IARS1: variants seen among roughly 807,000 people sequenced by gnomAD.
The protein encoded by IARS1 is isoleucine--tRNA ligase, cytoplasmic.
IARS1 carries 124 observed loss-of-function variants against 168.2 expected under a neutral mutation model. That is an observed-to-expected ratio of 0.74 (90% CI 0.64 to 0.86). The LOEUF (loss-of-function observed/expected upper bound fraction) is 0.86, where lower values mean the gene tolerates loss of function less well. Ranked by LOEUF, IARS1 falls within the 40% of genes least tolerant of loss-of-function variation. The pLI is 0.00. For missense variants in IARS1, 1,452 were observed against 1,515.8 expected (o/e 0.96, Z 0.70); for synonymous variants, 532 against 529.4 (o/e 1.00, Z -0.07).
chr9:92,246,703 C>T (rs566828938), intron 26 of IARS1, among the ~76,000 whole-genome samples: 1 of 152,136 alleles, frequency 6.6e-6, no homozygotes, highest in Non-Finnish European at 1.5e-5. Context: ...CATACCACCA[C>T]ATCTGGCTAA....
chr9:92,211,948 T>C (rs1485052466), intron 33 of IARS1, among the ~76,000 whole-genome samples: 2 of 152,136 alleles, frequency 1.3e-5, no homozygotes, highest in Non-Finnish European at 2.9e-5. Flanking sequence ...ATGCAATTGA[T>C]TGAAATATAC....
chr9:92,262,846 T>G, intron 17 of IARS1, 123 bp downstream of exon 17: 1 of 702,282 alleles, frequency 1.4e-6, no homozygotes. Flanking sequence ...ACACTCCTTC[T>G]TGAGAAACAG....
At chr9:92,265,436 G>T (rs1238122138) in intron 15 of IARS1, 44 bp downstream of exon 15, 6 of 1,530,954 alleles carry the variant, frequency 3.9e-6, no homozygotes, top group Non-Finnish European at 4.5e-6. Context: ...GGTCTTAATA[G>T]GAGAATCGTA....
At chr9:92,286,114 T>C (rs1408115089) in intron 5 of IARS1, 1 of 347,268 alleles carries the variant, frequency 2.9e-6, no homozygotes, top group Non-Finnish European at 5.4e-6. Context: ...ACGTCTGTAA[T>C]CGTAGCACTT....
chr9:92,243,285 A>G lies in IARS1; in HGVS notation c.2931T>C (p.Pro977=), dbSNP rs2133620878. The part of the protein sequence containing the change: ...AQALVLLDVT[P]DQSMVDEGMA... ...TTCCTTCATCTACCATTGACTGGTC[A>G]GGAGTGACATCTAAGAGGACCAAAG... Residue 977 remains proline, a synonymous_variant, in exon 28 of 34, where the codon CCT becomes CCC. Transcript: ENST00000443024. The G allele has an allele frequency of 2.5e-6, 4 of 1,613,550 alleles. No individual in the cohort carries two copies. The highest frequency in any genetic ancestry group is 1.7e-6 in the Non-Finnish European group (2 of 1,179,504).
intron 30 of IARS1, among the ~76,000 whole-genome samples, chr9:92,234,516 G>A (rs1827194545): frequency 6.6e-6 from 1 of 152,180 alleles, no homozygotes; most frequent in Non-Finnish European, 1.5e-5. Flanking sequence ...CCTGGAGTTG[G>A]TAGATGGGAA....
intron 27 of IARS1, among the ~76,000 whole-genome samples, 194 bp downstream of exon 27, chr9:92,244,765 G>A (rs1828935280): frequency 6.6e-6 from 1 of 152,116 alleles, no homozygotes. Context: ...GCTTACTTAT[G>A]TATTCACTAA....
intron 15 of IARS1, 101 bp from the exon 16 acceptor site, chr9:92,265,224 C>T: frequency 9.5e-7 from 1 of 1,050,350 alleles, no homozygotes; most frequent in Non-Finnish European, 1.4e-6. Flanking sequence ...AGATATTATA[C>T]ACATTTGCAA....
chr9:92,282,031 A>T (rs1033241931), intron 6 of IARS1, among the ~76,000 whole-genome samples: 1 of 152,172 alleles, frequency 6.6e-6, no homozygotes, highest in Admixed American at 6.5e-5. Flanking sequence ...ACCCAATAAG[A>T]TCTACACATG....
intron 32 of IARS1, 82 bp from the exon 33 acceptor site, chr9:92,222,754 T>A: frequency 6.9e-7 from 1 of 1,457,154 alleles, no homozygotes; most frequent in Non-Finnish European, 9.4e-7. Context: ...CGGACAGCTC[T>A]AACAGGCAGT....
chr9:92,222,104 G>A (rs1437779566), intron 33 of IARS1, among the ~76,000 whole-genome samples: 1 of 152,080 alleles, frequency 6.6e-6, no homozygotes, highest in Non-Finnish European at 1.5e-5. Flanking sequence ...GATCACCTGA[G>A]GTCAGGAGTT....
chr9:92,269,655 G>A (rs962672017), intron 13 of IARS1, among the ~76,000 whole-genome samples: 2 of 152,142 alleles, frequency 1.3e-5, no homozygotes, highest in Non-Finnish European at 2.9e-5. Flanking sequence ...TTTCCAATGA[G>A]TTTAAAAAGA....
intron 31 of IARS1, among the ~76,000 whole-genome samples, chr9:92,224,811 T>A (rs1250988036): frequency 6.6e-6 from 1 of 151,368 alleles, no homozygotes; most frequent in Admixed American, 6.6e-5. Context: ...CCAGCCTGAG[T>A]GATCGAGTGA....
At chr9:92,270,571 G>C (rs1197335749) in intron 12 of IARS1, among the ~76,000 whole-genome samples, 1 of 152,250 alleles carries the variant, frequency 6.6e-6, no homozygotes, top group East Asian at 1.9e-4. Flanking sequence ...AAGGTGGGAG[G>C]ATTATTTGAG....
chr9:92,285,777 A>C lies in IARS1; in HGVS notation c.542T>G (p.Phe181Cys), dbSNP rs1197840069. 6.2e-7 allele frequency: 1 copy of C among 1,613,504 alleles called. No homozygotes were observed. The highest frequency in any genetic ancestry group is 1.3e-5 in the African/African-American group (1 of 74,902). Residue 181 changes from phenylalanine (F) to cysteine (C), a missense_variant, in exon 6 of 34, where the codon TTC (phenylalanine) becomes TGC (cysteine). By Grantham distance (205) the Phe-to-Cys change is radical. Transcript: ENST00000443024. ...LVYRGVKVMP[F>C]STACNTPLSN... ...AAGTGGAGTGTTACATGCCGTAGAG[A>C]AGGGCATGACTTTCACACCTCTATA...
At chr9:92,263,218 T>C (rs1831783745) in intron 16 of IARS1, among the ~76,000 whole-genome samples, 163 bp from the exon 17 acceptor site, 1 of 152,206 alleles carries the variant, frequency 6.6e-6, no homozygotes, top group East Asian at 1.9e-4. Context: ...CCAATCAAAT[T>C]ACTGTCTAAG....
At chr9:92,248,753 G>T (rs1829602031) in intron 25 of IARS1, among the ~76,000 whole-genome samples, 1 of 150,774 alleles carries the variant, frequency 6.6e-6, no homozygotes, top group South Asian at 2.1e-4. Context: ...ATATTTCTCT[G>T]CAACTTTCAA....
chr9:92,239,535 C>CCTTAA (rs200909734), intron 30 of IARS1, among the ~76,000 whole-genome samples: 4,649 of 152,148 alleles, frequency 0.031, 109 homozygotes, highest in South Asian at 0.079. Flanking sequence ...TTGGGTTTAT[C>CCTTAA]CTGTTTGGGT....
chr9:92,287,955 C>G, intron 3 of IARS1, 45 bp from the exon 4 acceptor site: 1 of 1,605,646 alleles, frequency 6.2e-7, no homozygotes, highest in Non-Finnish European at 8.5e-7. Flanking sequence ...CCTATGAAAA[C>G]AACTGCAACT....
Sources: allele counts gnomAD v4.1 joint callset (sites outside exome capture counted in the v4.1 genomes callset), GRCh38; gene constraint gnomAD v4.1.1; transcripts MANE v1.5; gene names NCBI Gene and HGNC (gene_info 2026-07-23, HGNC 2026-07-21).